Variants in PCYT1B observed in about 807,000 individuals in gnomAD.
PCYT1B encodes the protein phosphate cytidylyltransferase 1B, choline, also known as choline-phosphate cytidylyltransferase B.
In PCYT1B, 10 loss-of-function variants were observed where a neutral mutation model predicts 26.4. That is an observed-to-expected ratio of 0.38 (90% confidence interval 0.23 to 0.64). The LOEUF (loss-of-function observed/expected upper bound fraction) is 0.64. Ranked by LOEUF, PCYT1B falls within the 30% of genes least tolerant of loss-of-function variation. PCYT1B has a pLI of 0.56. For missense variants in PCYT1B, 161 were observed against 292.7 expected, an observed-to-expected ratio of 0.55 and a Z score of 3.28; for synonymous variants, 131 against 108.4, an observed-to-expected ratio of 1.21 and a Z score of -1.29.
intron 3 of PCYT1B, among the ~76,000 whole-genome samples, chrX:24,599,015 ACTAATATTTC>A (rs1924877172): frequency 8.9e-6 from 1 of 112,119 alleles, no homozygotes; most frequent in Non-Finnish European, 1.9e-5. Flanking sequence ...TAATTAAATT[ACTAATATTTC>A]CATTTCCCAA....
At chrX:24,630,377 C>T (rs1444131812) in intron 1 of PCYT1B, among the ~76,000 whole-genome samples, 1 of 110,762 alleles carries the variant, frequency 9.0e-6, no homozygotes, top group Non-Finnish European at 1.9e-5. Flanking sequence ...CTCACTGCAA[C>T]CTCCACCCCC....
upstream of PCYT1B, among the ~76,000 whole-genome samples, chrX:24,649,124 C>T (rs929501928): frequency 9.0e-6 from 1 of 111,088 alleles, no homozygotes; most frequent in South Asian, 3.9e-4. Context: ...ATGCTTCCTA[C>T]CCTATTTGCC....
chrX:24,572,647 C>T (rs1923869531), intron 7 of PCYT1B, among the ~76,000 whole-genome samples: 1 of 111,102 alleles, frequency 9.0e-6, no homozygotes, highest in African/African-American at 3.3e-5. Context: ...CTTATCTTGG[C>T]GTTTAACATC....
chrX:24,570,753 C>A (rs764248464), intron 7 of PCYT1B, among the ~76,000 whole-genome samples: 1 of 111,828 alleles, frequency 8.9e-6, no homozygotes, highest in Non-Finnish European at 1.9e-5. Flanking sequence ...GCTGAGAAAG[C>A]CTAGAGACAG....
chrX:24,671,206 G>A (rs1210805184), intron 1 of PCYT1B, among the ~76,000 whole-genome samples: 1 of 111,104 alleles, frequency 9.0e-6, no homozygotes, highest in African/African-American at 3.3e-5. Context: ...CTTACCTCAA[G>A]TGATTCGCCT....
chrX:24,656,129 C>CAAAA (rs34397973), intron 1 of PCYT1B, among the ~76,000 whole-genome samples: 2 of 5,925 alleles, frequency 3.4e-4, no homozygotes, highest in Non-Finnish European at 5.1e-4. Context: ...AACTCCATCT[C>CAAAA]AAAAAAAAAA....
At chrX:24,670,176 T>C (rs1312203587) in intron 1 of PCYT1B, among the ~76,000 whole-genome samples, 2 of 107,787 alleles carry the variant, frequency 1.9e-5, no homozygotes, top group Non-Finnish European at 3.9e-5. Flanking sequence ...AAATAATATC[T>C]ACATCACAGT....
intron 2 of PCYT1B, among the ~76,000 whole-genome samples, chrX:24,610,790 A>G (rs1379314326): frequency 9.0e-6 from 1 of 111,482 alleles, no homozygotes; most frequent in Non-Finnish European, 1.9e-5. Flanking sequence ...CCTCCCTGCC[A>G]AAAAAGGACC....
intron 1 of PCYT1B, among the ~76,000 whole-genome samples, chrX:24,642,981 C>T (rs940251142): frequency 8.9e-6 from 1 of 112,067 alleles, no homozygotes; most frequent in Non-Finnish European, 1.9e-5. Flanking sequence ...GCATGTTGAA[C>T]CAACCCTTTT....
rs1467742941 is a variant in PCYT1B at position 24,561,188 on chromosome X, T to C, written c.*1105A>G. Reference sequence around the variant, plus strand: ...GCCCAAGTCACAAGAGAACAGATGTTTCTTGAGACCAAGGATTTCAGAGGA... The same window carrying C: ...GCCCAAGTCACAAGAGAACAGATGTCTCTTGAGACCAAGGATTTCAGAGGA... On this transcript the variant is annotated 3_prime_UTR_variant, in exon 8 of 8. Transcript: ENST00000379144. 8.9e-6 allele frequency: 1 copy of C among 112,541 alleles called. No homozygotes were observed. Among genetic ancestry groups the C allele is most frequent in the Non-Finnish European group, 1.9e-5 (1 of 53,297 alleles). The allele number at this position is 112,541 out of a possible 1,213,427, so 9.3% of individuals were successfully genotyped here. A position where few individuals can be genotyped will look rare whatever the true frequency, so the allele number is the denominator to read the frequency against.
chrX:24,562,956 A>T (rs1923486357), intron 7 of PCYT1B, among the ~76,000 whole-genome samples: 1 of 110,814 alleles, frequency 9.0e-6, no homozygotes, highest in South Asian at 3.9e-4. Context: ...TGAACTCCTG[A>T]CCTCAGGTGA....
chrX:24,637,492 A>AATATATG (rs58615037), intron 1 of PCYT1B, among the ~76,000 whole-genome samples: 14 of 59,508 alleles, frequency 2.4e-4, no homozygotes, highest in African/African-American at 1.5e-3. Context: ...AAAAAAAAAA[A>AATATATG]TATATATATA....
intron 5 of PCYT1B, among the ~76,000 whole-genome samples, chrX:24,585,120 G>A (rs917569470): frequency 2.7e-5 from 3 of 110,644 alleles, no homozygotes; most frequent in Non-Finnish European, 3.8e-5. Flanking sequence ...GAGGGGAGGA[G>A]TGCAGAGAGG....
At chrX:24,634,350 A>T in intron 1 of PCYT1B, among the ~76,000 whole-genome samples, 1 of 112,497 alleles carries the variant, frequency 8.9e-6, no homozygotes, top group South Asian at 3.6e-4. Flanking sequence ...CTTTCAGCTT[A>T]TTGCAATATA....
intron 2 of PCYT1B, among the ~76,000 whole-genome samples, chrX:24,612,813 A>C (rs1016595983): frequency 3.6e-5 from 4 of 112,183 alleles, no homozygotes; most frequent in African/African-American, 1.3e-4. Flanking sequence ...TTAAATTCAC[A>C]CTACTGTGGG....
rs779491297 is a variant in PCYT1B at position 24,668,246 on chromosome X, T to C, written c.63+4324A>G. Reference sequence around the variant, plus strand: ...ATGTTTGCCACCCTGTTCTCACTTCTGAAGGAGCTGAAAGATTTAGTTTCC... The same window carrying C: ...ATGTTTGCCACCCTGTTCTCACTTCCGAAGGAGCTGAAAGATTTAGTTTCC... On this transcript the variant is annotated intron_variant, in intron 1 of 7. Transcript: ENST00000379145. 3.6e-4 allele frequency among the ~76,000 whole-genome samples: 40 copies of C among 111,830 alleles called. No individual in the cohort carries two copies. The South Asian group carries it at 0.011, about 31-fold the overall frequency.
intron 5 of PCYT1B, among the ~76,000 whole-genome samples, chrX:24,582,439 C>A (rs1484369581): frequency 8.9e-5 from 10 of 111,786 alleles, no homozygotes; most frequent in Non-Finnish European, 1.9e-4. Context: ...AATGAGATAC[C>A]CGGCTTCCTT....
At position 24,560,352 on chromosome X, in the gene PCYT1B, G is replaced by A; in HGVS notation, c.*1941C>T. On this transcript the variant is annotated 3_prime_UTR_variant, in exon 8 of 8. Transcript: ENST00000379144. Reference sequence around the variant, plus strand: ...GCTACAAGTGCCAACTAACTCAAATGGTAGGCAGACTTGCATGGCTTGACC... The same window carrying A: ...GCTACAAGTGCCAACTAACTCAAATAGTAGGCAGACTTGCATGGCTTGACC... 1 of 111,918 alleles carries A rather than the reference G, an allele frequency of 8.9e-6. No individual in the cohort carries two copies. Among genetic ancestry groups the A allele is most frequent in the Non-Finnish European group, 1.9e-5 (1 of 53,195 alleles). The allele number at this position is 111,918 out of a possible 1,213,427, so 9.2% of individuals were successfully genotyped here. A position where few individuals can be genotyped will look rare whatever the true frequency, so the allele number is the denominator to read the frequency against.
chrX:24,607,340 C>A (rs61760953), intron 3 of PCYT1B, among the ~76,000 whole-genome samples: 12,639 of 112,197 alleles, frequency 0.11, 1,704 homozygotes, highest in African/African-American at 0.39. Context: ...TAGACGATGA[C>A]CTTGTTTGTT....
Sources: gnomAD v4.1 joint callset for allele counts (sites outside exome capture counted in the v4.1 genomes callset) on GRCh38, gnomAD v4.1.1 for gene constraint, MANE v1.5 for transcripts, NCBI Gene and HGNC (gene_info 2026-07-23, HGNC 2026-07-21) for gene names.